BCKDHB: variants seen among roughly 807,000 people sequenced by gnomAD.
The protein encoded by BCKDHB is branched chain keto acid dehydrogenase E1 subunit beta, also known as 2-oxoisovalerate dehydrogenase subunit beta, mitochondrial.
In BCKDHB, 41 loss-of-function variants were observed where a neutral mutation model predicts 48.5. That is an observed-to-expected ratio of 0.85 (90% CI 0.66 to 1.10). The LOEUF (loss-of-function observed/expected upper bound fraction) is 1.10, where lower values mean the gene tolerates loss of function less well. Ranked by LOEUF, BCKDHB falls within the 50% of genes least tolerant of loss-of-function variation. The pLI is 0.00. For synonymous variants in BCKDHB, 201 were observed against 174.8 expected, an observed-to-expected ratio of 1.15 and a Z score of -1.18; for missense variants, 496 against 494.2, an observed-to-expected ratio of 1.00 and a Z score of -0.03.
chr6:80,408,297 A>G, the BCKDHB span, among the ~76,000 whole-genome samples: 1 of 152,020 alleles, frequency 6.6e-6, no homozygotes, highest in African/African-American at 2.4e-5. Context: ...TTCATCAGGG[A>G]TATTGGTCTA....
intron 3 of BCKDHB, among the ~76,000 whole-genome samples, chr6:80,129,731 G>A (rs1198536389): frequency 6.6e-6 from 1 of 152,160 alleles, no homozygotes; most frequent in Non-Finnish European, 1.5e-5. Context: ...TGAAACTCAG[G>A]CAGGGTTTCT....
the BCKDHB span, among the ~76,000 whole-genome samples, chr6:80,379,987 T>C: frequency 1.3e-5 from 2 of 152,092 alleles, no homozygotes; most frequent in African/African-American, 4.8e-5. Flanking sequence ...GAAGAATCAA[T>C]ATTATTAAAA....
At chr6:80,384,422 G>A in the BCKDHB span, among the ~76,000 whole-genome samples, 2 of 151,344 alleles carry the variant, frequency 1.3e-5, no homozygotes, top group Admixed American at 6.6e-5. Flanking sequence ...GCAATGGCGC[G>A]ATCTTGGCAC....
At chr6:80,444,951 T>A in the BCKDHB span, among the ~76,000 whole-genome samples, 1 of 152,324 alleles carries the variant, frequency 6.6e-6, no homozygotes, top group East Asian at 1.9e-4. Context: ...TGATACAGAA[T>A]TTTTTAAGAG....
At chr6:80,137,106 C>T (rs1184471295) in intron 3 of BCKDHB, among the ~76,000 whole-genome samples, 2 of 152,066 alleles carry the variant, frequency 1.3e-5, no homozygotes, top group African/African-American at 4.8e-5. Context: ...TTCTTTTTAT[C>T]TCATTTAAAA....
chr6:80,258,607 A>C (rs1405180472), intron 8 of BCKDHB, among the ~76,000 whole-genome samples: 4 of 152,194 alleles, frequency 2.6e-5, no homozygotes, highest in East Asian at 1.9e-4. Context: ...TCCCCCAGGC[A>C]CCGGGAGAGT....
chr6:80,138,400 G>T (rs1004330641), intron 3 of BCKDHB, among the ~76,000 whole-genome samples: 19 of 151,746 alleles, frequency 1.3e-4, no homozygotes, highest in Admixed American at 1.2e-3. Context: ...CCACTAACTC[G>T]TCATCTAGCA....
chr6:80,141,153 C>T (rs1227139024), intron 3 of BCKDHB, among the ~76,000 whole-genome samples: 1 of 151,816 alleles, frequency 6.6e-6, no homozygotes, highest in Non-Finnish European at 1.5e-5. Flanking sequence ...TGGTGATATC[C>T]CCTTTATCAT....
chr6:80,142,454 A>G (rs188893068), intron 3 of BCKDHB, among the ~76,000 whole-genome samples: 11 of 152,224 alleles, frequency 7.2e-5, no homozygotes, highest in African/African-American at 2.4e-4. Flanking sequence ...AGAACTATTA[A>G]GTACTATAGC....
the BCKDHB span, among the ~76,000 whole-genome samples, chr6:80,417,472 G>A: frequency 6.6e-6 from 1 of 152,116 alleles, no homozygotes; most frequent in East Asian, 1.9e-4. Flanking sequence ...GTAGTGGCTT[G>A]TAATGGTCCT....
At chr6:80,198,351 A>G (rs1774228295) in intron 6 of BCKDHB, among the ~76,000 whole-genome samples, 1 of 152,214 alleles carries the variant, frequency 6.6e-6, no homozygotes. Flanking sequence ...GAATGCTTAT[A>G]AGTTTTCTAA....
At chr6:80,369,314 C>T in the BCKDHB span, among the ~76,000 whole-genome samples, 1 of 152,152 alleles carries the variant, frequency 6.6e-6, no homozygotes, top group African/African-American at 2.4e-5. Flanking sequence ...CAGTGTTTCC[C>T]ACTCTGGGTA....
chr6:80,400,415 T>C, the BCKDHB span, among the ~76,000 whole-genome samples: 1 of 151,928 alleles, frequency 6.6e-6, no homozygotes, highest in African/African-American at 2.4e-5. Flanking sequence ...GCAACAGATA[T>C]GAACAGACAC....
At chr6:80,437,599 T>C in the BCKDHB span, among the ~76,000 whole-genome samples, 9 of 152,226 alleles carry the variant, frequency 5.9e-5, no homozygotes, top group Non-Finnish European at 7.3e-5. Flanking sequence ...GTCCAAAAGT[T>C]GCTTAAAGAG....
At chr6:80,152,894 G>T (rs919389169) in intron 3 of BCKDHB, among the ~76,000 whole-genome samples, 1 of 152,142 alleles carries the variant, frequency 6.6e-6, no homozygotes, top group African/African-American at 2.4e-5. Flanking sequence ...GGACCCTTGA[G>T]GGGGCTAGTG....
At chr6:80,300,027 A>C (rs1274602349) in intron 9 of BCKDHB, among the ~76,000 whole-genome samples, 1 of 152,074 alleles carries the variant, frequency 6.6e-6, no homozygotes, top group African/African-American at 2.4e-5. Flanking sequence ...CAAACGGAAA[A>C]CAAAAGAGGA....
Position 80,273,140 on chromosome 6 carries a change from G to T in BCKDHB, c.957G>T (p.Val319=). Reference sequence around the variant, plus strand: ...GTTTTTCTTTTCTCTTTCAGTCTGTGATCAAAACAGGGCGACTGCTAATCA... The same window carrying T: ...GTTTTTCTTTTCTCTTTCAGTCTGTTATCAAAACAGGGCGACTGCTAATCA... ...PWDVDTICKS[V]IKTGRLLISH... Residue 319 remains valine (V), a synonymous_variant, in exon 9 of 10, where the codon GTG becomes GTT. Transcript: ENST00000320393. 1 of 1,613,008 alleles carries T rather than the reference G, an allele frequency of 6.2e-7. No homozygotes were observed. The highest frequency in any genetic ancestry group is 8.5e-7 in the Non-Finnish European group (1 of 1,179,324).
the BCKDHB span, among the ~76,000 whole-genome samples, chr6:80,458,298 T>G: frequency 2.0e-5 from 3 of 152,334 alleles, no homozygotes; most frequent in East Asian, 5.8e-4. Flanking sequence ...ACCTCCTGGG[T>G]CAAACAAATA....
intron 8 of BCKDHB, 120 bp downstream of exon 8, chr6:80,203,332 A>G (rs1774487818): frequency 9.2e-6 from 7 of 763,952 alleles, no homozygotes; most frequent in Non-Finnish European, 1.6e-5. Context: ...TTGATTTAAA[A>G]CTTTTAAATT....
Sources: gnomAD v4.1 joint callset for allele counts (sites outside exome capture counted in the v4.1 genomes callset) on GRCh38, gnomAD v4.1.1 for gene constraint, MANE v1.5 for transcripts, NCBI Gene and HGNC (gene_info 2026-07-23, HGNC 2026-07-21) for gene names.